The following BCAR3 variants were observed in gnomAD, a reference collection of about 807,000 sequenced individuals.
The protein encoded by BCAR3 is breast cancer anti-estrogen resistance protein 3.
BCAR3 carries 37 observed loss-of-function variants against 80.1 expected under a neutral mutation model. The observed-to-expected ratio is 0.46, with a 90% confidence interval of 0.36 to 0.61. The LOEUF (loss-of-function observed/expected upper bound fraction) is 0.61, where lower values mean the gene tolerates loss of function less well. Among genes scored for constraint, BCAR3 ranks in the 20% least tolerant of loss-of-function variants. BCAR3 has a pLI of 0.00. For synonymous variants in BCAR3, 389 were observed against 418.9 expected (o/e 0.93, Z 0.87); for missense variants, 978 against 1,068.2 (o/e 0.92, Z 1.18).
intron 1 of BCAR3, 88 bp downstream of exon 1, chr1:93,681,510 C>G (rs1182798153): frequency 1.3e-5 from 2 of 152,108 alleles, no homozygotes; most frequent in African/African-American, 2.4e-5. Context: ...AACAAACTTC[C>G]TAGCGTGTCC....
At chr1:93,819,648 C>CT (rs1427343716) in intron 2 of BCAR3, among the ~76,000 whole-genome samples, 2 of 152,292 alleles carry the variant, frequency 1.3e-5, no homozygotes, top group African/African-American at 4.8e-5. Context: ...ACCTTTGCAA[C>CT]TTACAGAGAA....
At chr1:93,570,369 A>C (rs767190363) in intron 9 of BCAR3, among the ~76,000 whole-genome samples, 4 of 152,198 alleles carry the variant, frequency 2.6e-5, no homozygotes, top group Non-Finnish European at 4.4e-5. Context: ...TGGTGTTACT[A>C]GAAAGTTTTG....
At chr1:93,829,236 T>C (rs759218400) in intron 2 of BCAR3, among the ~76,000 whole-genome samples, 2 of 152,126 alleles carry the variant, frequency 1.3e-5, no homozygotes, top group Non-Finnish European at 2.9e-5. Context: ...AGGAAAAGAC[T>C]GGCTCTCCTA....
At chr1:93,721,491 G>A (rs1001037044) in intron 2 of BCAR3, among the ~76,000 whole-genome samples, 1 of 152,142 alleles carries the variant, frequency 6.6e-6, no homozygotes, top group Non-Finnish European at 1.5e-5. Context: ...ACTTTGTATT[G>A]TTATTCTCCT....
At chr1:93,807,109 GA>G (rs201937621) in intron 2 of BCAR3, among the ~76,000 whole-genome samples, 9 of 146,720 alleles carry the variant, frequency 6.1e-5, no homozygotes, top group East Asian at 4.0e-4. Context: ...TATCTCAAAA[GA>G]AAAAAAAAAT....
chr1:93,786,111 T>C (rs1332749389), intron 2 of BCAR3, among the ~76,000 whole-genome samples: 5 of 130,452 alleles, frequency 3.8e-5, no homozygotes, highest in Non-Finnish European at 6.1e-5. Context: ...GAGAATGGCG[T>C]GAACCCGGGA....
intron 2 of BCAR3, among the ~76,000 whole-genome samples, chr1:93,836,809 T>C (rs373685900): frequency 1.2e-4 from 18 of 152,206 alleles, no homozygotes; most frequent in African/African-American, 2.2e-4. Context: ...GATTTGTTCC[T>C]GCCCCACCTT....
At chr1:93,814,542 C>T (rs893529060) in intron 2 of BCAR3, among the ~76,000 whole-genome samples, 3 of 152,232 alleles carry the variant, frequency 2.0e-5, no homozygotes, top group Non-Finnish European at 4.4e-5. Flanking sequence ...ACCTGCAAAA[C>T]CTCCAATGGG....
At chr1:93,704,238 T>G (rs1413516114) in intron 3 of BCAR3, among the ~76,000 whole-genome samples, 1 of 151,846 alleles carries the variant, frequency 6.6e-6, no homozygotes, top group Non-Finnish European at 1.5e-5. Context: ...GGCAGACAGT[T>G]TCACTCACTC....
chr1:93,573,442 A>C (rs1171130808), intron 8 of BCAR3, among the ~76,000 whole-genome samples: 1 of 151,912 alleles, frequency 6.6e-6, no homozygotes, highest in Non-Finnish European at 1.5e-5. Context: ...GCGGGCACCT[A>C]ATAAATAGCA....
At chr1:93,738,209 G>C (rs1651049518) in intron 2 of BCAR3, among the ~76,000 whole-genome samples, 1 of 152,122 alleles carries the variant, frequency 6.6e-6, no homozygotes, top group Admixed American at 6.6e-5. Context: ...TGGAACCTTA[G>C]TTTTTTCATC....
At chr1:93,571,271 G>C (rs1173629340) in intron 9 of BCAR3, among the ~76,000 whole-genome samples, 1 of 151,910 alleles carries the variant, frequency 6.6e-6, no homozygotes, top group Non-Finnish European at 1.5e-5. Flanking sequence ...CACTTCGGGA[G>C]GCTGAGGCGG....
intron 3 of BCAR3, among the ~76,000 whole-genome samples, chr1:93,602,688 G>A (rs1001477135): frequency 6.6e-6 from 1 of 152,166 alleles, no homozygotes; most frequent in East Asian, 1.9e-4. Flanking sequence ...GACTTTTAAA[G>A]ACCCAATTGG....
intron 3 of BCAR3, among the ~76,000 whole-genome samples, chr1:93,705,662 C>G (rs528340532): frequency 1.3e-5 from 2 of 152,368 alleles, no homozygotes; most frequent in South Asian, 4.1e-4. Context: ...ACCCTCCCCA[C>G]CTTACGGCAG....
intron 2 of BCAR3, among the ~76,000 whole-genome samples, chr1:93,673,037 G>A (rs1364056672): frequency 6.6e-6 from 1 of 152,112 alleles, no homozygotes; most frequent in Non-Finnish European, 1.5e-5. Flanking sequence ...CCCCATGCCT[G>A]CAACAGCCTG....
Position 93,562,325 on chromosome 1 carries a change from T to C in BCAR3, c.2394A>G (p.Thr798=), listed in dbSNP as rs1161022616. Residue 798 remains threonine (T), a synonymous_variant, in exon 12 of 12, where the codon ACA becomes ACG. Coordinates refer to ENST00000260502, the MANE Select transcript of BCAR3 (RefSeq NM_003567.4). The stretch of plus-strand genomic sequence containing the variant: ...TCTGGTTGAATTTCTCATATCTCTC[T>C]GTCTGATTGACTTGTGCACCTTTGC... ...WGSKGAQVNQ[T]ERYEKFNQIL... 6.2e-7 allele frequency: 1 copy of C among 1,614,220 alleles called. No homozygotes were observed. Among genetic ancestry groups the C allele is most frequent in the Non-Finnish European group, 8.5e-7 (1 of 1,180,024 alleles).
rs1484855029 is a variant in BCAR3 at position 93,688,881 on chromosome 1, C to T, written c.-11-13940G>A. Among the ~76,000 whole-genome samples the T allele has an allele frequency of 4.6e-5, 7 of 152,276 alleles. No individual in the cohort carries two copies. In the East Asian group the frequency reaches 1.2e-3, roughly 25 times the overall value. ...CAAACTCCTGACCTCAGGTGATCTG[C>T]CCACCTTGGCCTCCCAAAGTGCTGG... is the stretch of plus-strand genomic sequence containing the variant. On this transcript the variant is annotated intron_variant, in intron 3 of 13. Transcript: ENST00000370244.
intron 2 of BCAR3, among the ~76,000 whole-genome samples, chr1:93,833,346 C>T (rs1219559143): frequency 6.6e-6 from 1 of 152,144 alleles, no homozygotes; most frequent in Admixed American, 6.5e-5. Flanking sequence ...ATTAGAATCA[C>T]TAATGAAGTT....
At chr1:93,596,139 G>A (rs1674412009) in intron 3 of BCAR3, among the ~76,000 whole-genome samples, 1 of 152,170 alleles carries the variant, frequency 6.6e-6, no homozygotes, top group Non-Finnish European at 1.5e-5. Flanking sequence ...TTCTACGAAT[G>A]CCCTAAGAAT....
Sources: allele counts gnomAD v4.1 joint callset (sites outside exome capture counted in the v4.1 genomes callset), GRCh38; gene constraint gnomAD v4.1.1; transcripts MANE v1.5; gene names NCBI Gene and HGNC (gene_info 2026-07-23, HGNC 2026-07-21).